MYCBP2: variants seen among roughly 807,000 people sequenced by gnomAD.
MYCBP2 encodes MYC binding protein 2.
MYCBP2 carries 120 observed loss-of-function variants against 525.3 expected under a neutral mutation model. The observed-to-expected ratio is 0.23, with a 90% CI of 0.20 to 0.27. The LOEUF (loss-of-function observed/expected upper bound fraction) is 0.27. MYCBP2 is among the 10% of genes least tolerant of loss of function. The pLI is 1.00. For missense variants in MYCBP2, 4,149 were observed against 5,657.1 expected (o/e 0.73, Z 8.55); for synonymous variants, 1,894 against 1,955.8 (o/e 0.97, Z 0.83).
At chr13:77,050,178 A>G (rs1324430040) in intron 82 of MYCBP2, among the ~76,000 whole-genome samples, 8 of 152,144 alleles carry the variant, frequency 5.3e-5, no homozygotes, top group African/African-American at 1.9e-4. Context: ...GGAGTGCTGA[A>G]GGGTTGATAC....
intron 1 of MYCBP2, among the ~76,000 whole-genome samples, chr13:77,323,911 T>A (rs953971915): frequency 6.6e-6 from 1 of 152,162 alleles, no homozygotes; most frequent in Non-Finnish European, 1.5e-5. Context: ...CTTAACTCTA[T>A]CCCTGAGATC....
intron 32 of MYCBP2, among the ~76,000 whole-genome samples, chr13:77,184,150 A>C (rs2060514094): frequency 6.6e-6 from 1 of 152,184 alleles, no homozygotes; most frequent in South Asian, 2.1e-4. Context: ...TCTTTTAAGC[A>C]ATGCTTTAGC....
intron 55 of MYCBP2, among the ~76,000 whole-genome samples, chr13:77,107,164 T>C (rs1414456880): frequency 6.6e-6 from 1 of 152,158 alleles, no homozygotes; most frequent in Non-Finnish European, 1.5e-5. Context: ...TGCATTTCTA[T>C]TTTTCTCTGA....
In MYCBP2 at chr13:77,068,533, A is replaced by G. The variant is rs758961164; in HGVS notation, c.12171+32T>C. On this transcript the variant is annotated intron_variant, in intron 70 of 82. Transcript: ENST00000544440. ...TTTTAACAATGTTTCAAGTAACAAA[A>G]GCAATGGAAAGGCTGTAGTGTGATC... 6 of 1,593,200 alleles carry G rather than the reference A, an allele frequency of 3.8e-6. No individual in the cohort carries two copies. In the Admixed American group the frequency reaches 5.2e-5, roughly 14 times the overall value.
rs1290850843 is a variant in MYCBP2, at chr13:77,164,508, G to C, written c.6493C>G (p.Leu2165Val). The part of the protein sequence containing the change: ...VIQLEKELAN[L>V]GGVCAAALMK... Reference sequence around the variant, plus strand: ...AGAGCTGCTGCACAAACCCCACCAAGATTGGCTAATTCTTTTTCCAATTGG... The same window carrying C: ...AGAGCTGCTGCACAAACCCCACCAACATTGGCTAATTCTTTTTCCAATTGG... The change falls in exon 43 of 83, where the codon CTT becomes GTT. Residue 2165 changes from leucine to valine, a missense_variant. By Grantham distance (32) the Leu-to-Val change is conservative. This residue lies in a region of MYCBP2 where 692 missense variants were observed against 852.7 expected (regional missense o/e 0.81). Coordinates refer to ENST00000544440, the MANE Select transcript of MYCBP2 (RefSeq NM_015057.5). 1 of 1,613,274 alleles carries C rather than the reference G, an allele frequency of 6.2e-7. No homozygotes were observed. The highest frequency in any genetic ancestry group is 8.5e-7 in the Non-Finnish European group (1 of 1,179,314).
intron 68 of MYCBP2, among the ~76,000 whole-genome samples, chr13:77,075,123 C>A (rs2042054251): frequency 6.6e-6 from 1 of 152,078 alleles, no homozygotes; most frequent in Non-Finnish European, 1.5e-5. Context: ...CAGGAGGATC[C>A]ATTGAGCCCG....
At chr13:77,247,431 T>C (rs749983706) in intron 15 of MYCBP2, among the ~76,000 whole-genome samples, 16 of 152,162 alleles carry the variant, frequency 1.1e-4, no homozygotes, top group African/African-American at 1.7e-4. Flanking sequence ...AAATTAAAGA[T>C]GACATAAGTA....
Position 77,098,185 on chromosome 13 carries a change from C to T in MYCBP2, c.8969G>A (p.Arg2990Gln), listed in dbSNP as rs780450049. 1.2e-5 allele frequency: 20 copies of T among 1,613,644 alleles called. No individual in the cohort carries two copies. Among genetic ancestry groups the T allele is most frequent in the East Asian group, 2.2e-5 (1 of 44,864 alleles). The change falls in exon 56 of 83, where the codon CGA becomes CAA. Residue 2990 changes from arginine to glutamine, a missense_variant. Arg to Gln is a conservative substitution (Grantham distance 43). Transcript: ENST00000544440. ...CCTGGTGTGTCTATTAGCACATTTTCGACTTATTTTGGGAGATGCTCTCAT... is the reference window on the plus strand; with the variant it reads ...CCTGGTGTGTCTATTAGCACATTTTTGACTTATTTTGGGAGATGCTCTCAT... ...QEMRASPKIS[R>Q]KCANRHTRPK...
intron 18 of MYCBP2, among the ~76,000 whole-genome samples, chr13:77,230,444 A>G (rs1003069389): frequency 2.0e-5 from 3 of 152,240 alleles, no homozygotes; most frequent in Non-Finnish European, 4.4e-5. Flanking sequence ...AAATATGTAC[A>G]GGTTGAGCAT....
chr13:77,230,899 A>G (rs532213916), intron 18 of MYCBP2, among the ~76,000 whole-genome samples: 15 of 152,232 alleles, frequency 9.9e-5, no homozygotes, highest in Non-Finnish European at 1.9e-4. Context: ...GTGCTCAAAA[A>G]GTTTCAGATC....
chr13:77,288,927 G>T (rs1182399789), intron 2 of MYCBP2, among the ~76,000 whole-genome samples: 1 of 152,122 alleles, frequency 6.6e-6, no homozygotes, highest in African/African-American at 2.4e-5. Context: ...TCACCTATCA[G>T]TATTGATAAA....
intron 3 of MYCBP2, among the ~76,000 whole-genome samples, chr13:77,284,831 T>C (rs909841191): frequency 1.3e-5 from 2 of 152,198 alleles, no homozygotes; most frequent in African/African-American, 4.8e-5. Context: ...ACTACAACCC[T>C]ATGAGGTAGA....
At chr13:77,197,966 A>G (rs2061937690) in intron 26 of MYCBP2, among the ~76,000 whole-genome samples, 2 of 152,194 alleles carry the variant, frequency 1.3e-5, no homozygotes, top group Admixed American at 6.5e-5. Flanking sequence ...ATAATTCTAT[A>G]TACTACAGTG....
At chr13:77,072,316 AAG>A (rs1387975857) in intron 68 of MYCBP2, among the ~76,000 whole-genome samples, 3 of 45,120 alleles carry the variant, frequency 6.6e-5, no homozygotes, top group Non-Finnish European at 1.4e-4. Context: ...AAAAAAAAAA[AAG>A]AAATCAAATG....
At chr13:77,277,764 C>T (rs1334111074) in intron 4 of MYCBP2, among the ~76,000 whole-genome samples, 1 of 152,144 alleles carries the variant, frequency 6.6e-6, no homozygotes, top group African/African-American at 2.4e-5. Flanking sequence ...CTGATACATG[C>T]TAATGAGAAT....
chr13:77,201,831 T>C (rs540386865), intron 26 of MYCBP2, among the ~76,000 whole-genome samples: 3 of 152,240 alleles, frequency 2.0e-5, no homozygotes, highest in Non-Finnish European at 2.9e-5. Context: ...AATAAAGATG[T>C]TCTTTGAAAC....
At position 77,139,186 on chromosome 13, in the gene MYCBP2, T is replaced by C; in HGVS notation, c.7659+10A>G. On this transcript the variant is annotated intron_variant, in intron 52 of 82. Coordinates refer to ENST00000544440, the MANE Select transcript of MYCBP2 (RefSeq NM_015057.5). ...ATCTATAATGCTTTTTAAAACCACC[T>C]TTTACTTACGTCAACAGGGACCAGA... 6.2e-7 allele frequency: 1 copy of C among 1,611,198 alleles called. No homozygotes were observed. The highest frequency in any genetic ancestry group is 8.5e-7 in the Non-Finnish European group (1 of 1,178,478).
At chr13:77,125,241 C>CA in intron 54 of MYCBP2, 95 bp downstream of exon 54, 4 of 1,462,992 alleles carry the variant, frequency 2.7e-6, no homozygotes, top group South Asian at 1.4e-5. Context: ...AGCAAACACA[C>CA]AAAAAACTCT....
intron 63 of MYCBP2, among the ~76,000 whole-genome samples, chr13:77,082,360 G>C (rs1235340850): frequency 6.6e-6 from 1 of 151,986 alleles, no homozygotes; most frequent in Non-Finnish European, 1.5e-5. Flanking sequence ...AATTCATCAG[G>C]GTATAGTTTA....
Sources: gnomAD v4.1 joint callset for allele counts (sites outside exome capture counted in the v4.1 genomes callset) on GRCh38, gnomAD v4.1.1 for gene constraint, gnomAD v4.1.1 regional missense constraint, MANE v1.5 for transcripts, NCBI Gene and HGNC (gene_info 2026-07-23, HGNC 2026-07-21) for gene names.